The following ST6GALNAC6 variants were observed in gnomAD, a reference collection of about 807,000 sequenced individuals.
The protein encoded by ST6GALNAC6 is ST6 N-acetylgalactosaminide alpha-2,6-sialyltransferase 6.
ST6GALNAC6 carries 19 observed loss-of-function variants against 34.3 expected under a neutral mutation model. The observed-to-expected ratio is 0.55, with a 90% confidence interval of 0.39 to 0.81. ST6GALNAC6 has a LOEUF of 0.81. Among genes scored for constraint, ST6GALNAC6 ranks in the 40% least tolerant of loss-of-function variants. The probability of loss-of-function intolerance (pLI) is 0.00; values close to 1 mark genes in which losing one functional copy is unlikely to be tolerated. For missense variants in ST6GALNAC6, 377 were observed against 467.7 expected (o/e 0.81, Z 1.79); for synonymous variants, 185 against 182.1 (o/e 1.02, Z -0.13).
At chr9:127,905,202 C>T in intron 1 of ST6GALNAC6, 1 of 985,312 alleles carries the variant, frequency 1.0e-6, no homozygotes, top group Non-Finnish European at 1.2e-6. Context: ...CTGCCCTGGG[C>T]TCACCTCAAG....
At chr9:127,899,989 G>C (rs1015799126), upstream of ST6GALNAC6, among the ~76,000 whole-genome samples, 1 of 152,190 alleles carries the variant, frequency 6.6e-6, no homozygotes, top group South Asian at 2.1e-4. Flanking sequence ...TAGTCACCTG[G>C]GCAAACTTAG....
chr9:127,890,656 C>G lies in ST6GALNAC6; in HGVS notation c.685G>C (p.Gly229Arg). 1 of 1,613,234 alleles carries G rather than the reference C, an allele frequency of 6.2e-7. No homozygotes were observed. The highest frequency in any genetic ancestry group is 1.1e-5 in the South Asian group (1 of 91,086). The change falls in exon 5 of 7, where the codon GGT (glycine) becomes CGT (arginine). Residue 229 changes from glycine to arginine, a missense_variant. By Grantham distance (125) the Gly-to-Arg change is moderately radical (BLOSUM62 -2). Transcript: ENST00000373146. The surrounding 1 kb of genome is among the most constrained non-coding windows in gnomAD (Gnocchi z 4.3). ...TGGTACCTGTCCTTGCCCGTCTCAC[C>G]CCGGAAGAGGTCGTCAAATTGCCGC... Reference protein sequence around the residue: ...RMRQFDDLFRGETGKDREKSH... With the variant: ...RMRQFDDLFRRETGKDREKSH...
intron 1 of ST6GALNAC6, among the ~76,000 whole-genome samples, chr9:127,898,342 G>C (rs1039915980): frequency 1.3e-5 from 2 of 152,152 alleles, no homozygotes; most frequent in Non-Finnish European, 2.9e-5. Context: ...GCAGTGAACC[G>C]AGATGGTGCC....
At chr9:127,894,048 C>T (rs879759967) in intron 4 of ST6GALNAC6, among the ~76,000 whole-genome samples, 2 of 152,184 alleles carry the variant, frequency 1.3e-5, no homozygotes, top group Non-Finnish European at 1.5e-5. Flanking sequence ...CTTCACCTCT[C>T]GGAGCCTTGG....
chr9:127,897,317 C>G (rs1251960528), intron 2 of ST6GALNAC6: 1 of 985,760 alleles, frequency 1.0e-6, no homozygotes, highest in African/African-American at 1.7e-5. Flanking sequence ...TCCTCAGCTC[C>G]GTCCCCTGCT....
rs150545787 is a variant in ST6GALNAC6 at position 127,894,577 on chromosome 9, G to A, written c.232C>T (p.Arg78Cys). 2.9e-4 allele frequency: 470 copies of A among 1,614,086 alleles called. No homozygotes were observed. The highest frequency in any genetic ancestry group is 3.7e-4 in the Non-Finnish European group (439 of 1,180,044). ...CACTTCTTGAGGTTGACAGGTCGGCGGCTACGGCCCCGCAGGGAGCCGTAA... is the reference window on the plus strand; with the variant it reads ...CACTTCTTGAGGTTGACAGGTCGGCAGCTACGGCCCCGCAGGGAGCCGTAA... ...FHYGSLRGRSRRPVNLKKWSI... is the reference protein window; with the variant it reads ...FHYGSLRGRSCRPVNLKKWSI... The change falls in exon 4 of 7, where the codon CGC becomes TGC. Residue 78 changes from arginine to cysteine, a missense_variant. Arg to Cys is a radical substitution (Grantham distance 180). Transcript: ENST00000373146.
At position 127,891,022 on chromosome 9, in the gene ST6GALNAC6, G is replaced by T. The variant is rs1231430717; in HGVS notation, c.319C>A (p.Gln107Lys). The T allele has an allele frequency of 4.3e-6, 7 of 1,614,006 alleles. No individual in the cohort carries two copies. Among genetic ancestry groups the T allele is most frequent in the Non-Finnish European group, 5.9e-6 (7 of 1,180,028 alleles). The change falls in exon 5 of 7, where the codon CAG (glutamine) becomes AAG (lysine). Residue 107 changes from glutamine (Q) to lysine (K), a missense_variant. Coordinates refer to ENST00000373146, the MANE Select transcript of ST6GALNAC6 (RefSeq NM_013443.5). ...CTGGAGCTGCTGACAATCACACACT[G>T]GTGGCACCGAGAGGGCAGTGTCTGG... ...GNKTLPSRCH[Q>K]CVIVSSSSHL...
At chr9:127,899,646 C>G, upstream of ST6GALNAC6, 3 of 983,546 alleles carry the variant, frequency 3.1e-6, no homozygotes, top group South Asian at 1.4e-4. Context: ...GCCGTCACGG[C>G]CCGGCCCAGG....
chr9:127,886,916 C>T, intron 6 of ST6GALNAC6, 128 bp from the exon 7 acceptor site: 3 of 989,542 alleles, frequency 3.0e-6, no homozygotes. Context: ...CCTCGGTTTC[C>T]CCATCCATAA....
upstream of ST6GALNAC6, chr9:127,904,148 T>C (rs1382727207): frequency 2.0e-5 from 3 of 152,304 alleles, no homozygotes; most frequent in African/African-American, 7.2e-5. Flanking sequence ...TGGTGGCCTA[T>C]GAGTTGGGTA....
intron 3 of ST6GALNAC6, among the ~76,000 whole-genome samples, chr9:127,895,798 T>G (rs756485539): frequency 5.9e-5 from 9 of 152,052 alleles, no homozygotes; most frequent in Non-Finnish European, 8.8e-5. Flanking sequence ...GGGCCAGTCA[T>G]GTAGTAAGTG....
chr9:127,888,846 GA>G (rs1323036680), intron 5 of ST6GALNAC6, among the ~76,000 whole-genome samples: 2 of 131,524 alleles, frequency 1.5e-5, no homozygotes, highest in Non-Finnish European at 3.4e-5. Flanking sequence ...AACAAACACT[GA>G]ATACTTTCTC....
At position 127,886,266 on chromosome 9, in the gene ST6GALNAC6, A is replaced by C. The variant is rs756913072; in HGVS notation, c.*333T>G. On this transcript the variant is annotated 3_prime_UTR_variant, in exon 7 of 7. Transcript: ENST00000373146. ...AGAGTGGGGAGTGATTGGGGGGTCC[A>C]TTCCTGGGGCTCTGAACCAAGGCCT... The C allele has an allele frequency of 6.1e-6, 3 of 488,564 alleles. No individual in the cohort carries two copies. The highest frequency in any genetic ancestry group is 1.0e-5 in the Non-Finnish European group (3 of 296,574). 30.3% of individuals were successfully genotyped at this position (488,564 alleles called of 1,614,324 possible). A position where few individuals can be genotyped will look rare whatever the true frequency, so the allele number is the denominator to read the frequency against.
Position 127,886,187 on chromosome 9 carries a change from G to A in ST6GALNAC6, c.*412C>T, listed in dbSNP as rs72752891. 0.021 allele frequency: 6,096 copies of A among 290,304 alleles called. 86 individuals carry two copies. The highest frequency in any genetic ancestry group is 0.03 in the Non-Finnish European group (4,635 of 156,890). The allele number at this position is 290,304 out of a possible 1,614,324, so 18.0% of individuals were successfully genotyped here. ...ATCTCTCTTTCTGGTGCTGGAAATTGAGGGGGCAACACCAAGTTCCCAGCT... is the reference window on the plus strand; with the variant it reads ...ATCTCTCTTTCTGGTGCTGGAAATTAAGGGGGCAACACCAAGTTCCCAGCT... On this transcript the variant is annotated 3_prime_UTR_variant, in exon 7 of 7. Coordinates refer to ENST00000373146, the MANE Select transcript of ST6GALNAC6 (RefSeq NM_013443.5).
intron 4 of ST6GALNAC6, among the ~76,000 whole-genome samples, chr9:127,893,785 T>C (rs1830285898): frequency 6.6e-6 from 1 of 152,162 alleles, no homozygotes; most frequent in African/African-American, 2.4e-5. Context: ...CCTTTCCTAG[T>C]GAGGGTGTGT....
upstream of ST6GALNAC6, among the ~76,000 whole-genome samples, chr9:127,906,476 T>G (rs540613055): frequency 3.3e-4 from 50 of 152,162 alleles, no homozygotes; most frequent in African/African-American, 1.2e-3. Context: ...AGCCCAGGGG[T>G]GCAGGGCTCA....
At chr9:127,893,805 G>A (rs535041505) in intron 4 of ST6GALNAC6, among the ~76,000 whole-genome samples, 5 of 152,174 alleles carry the variant, frequency 3.3e-5, no homozygotes, top group Admixed American at 6.5e-5. Context: ...TCCAGAGCCC[G>A]GGCTCTACAC....
chr9:127,901,014 A>C (rs920242805), upstream of ST6GALNAC6, among the ~76,000 whole-genome samples: 5 of 150,440 alleles, frequency 3.3e-5, no homozygotes, highest in South Asian at 4.2e-4. Context: ...AAAAAAAAAA[A>C]AAAAAACTGT....
Position 127,896,316 on chromosome 9 carries a change from G to A in ST6GALNAC6, c.43C>T (p.Leu15=). The A allele has an allele frequency of 6.2e-7, 1 of 1,613,242 alleles. No homozygotes were observed. The highest frequency in any genetic ancestry group is 1.1e-5 in the South Asian group (1 of 90,982). ...CGTCCTGCAGGTGGCCCTGGGGGCA[G>A]GGATGTGGGTTCACACCTGCAAGCC... ...RPPSQCEPTS[L]PPGPPAGRRH... Residue 15 remains leucine, a synonymous_variant, in exon 3 of 7, where the codon CTG becomes TTG. Transcript: ENST00000373146.
Sources: allele counts gnomAD v4.1 joint callset (sites outside exome capture counted in the v4.1 genomes callset), GRCh38; gene constraint gnomAD v4.1.1; non-coding constraint Gnocchi (gnomAD v3.1); transcripts MANE v1.5; gene names NCBI Gene and HGNC (gene_info 2026-07-23, HGNC 2026-07-21).